The following ARHGAP40 variants were observed in gnomAD, a reference collection of about 807,000 sequenced individuals.
The protein encoded by ARHGAP40 is rho GTPase-activating protein 40.
In ARHGAP40, 43 loss-of-function variants were observed where a neutral mutation model predicts 73.5. The ratio of observed to expected loss-of-function variants is 0.58; its 90% confidence interval spans 0.46 to 0.75. ARHGAP40 has a LOEUF of 0.75. ARHGAP40 is among the 30% of genes least tolerant of loss of function. ARHGAP40 has a pLI of 0.00. For synonymous variants in ARHGAP40, 300 were observed against 352.8 expected (o/e 0.85, Z 1.68); for missense variants, 734 against 861.8 (o/e 0.85, Z 1.86).
At chr20:38,644,834 T>C (rs960971000) in intron 11 of ARHGAP40, among the ~76,000 whole-genome samples, 1 of 150,140 alleles carries the variant, frequency 6.7e-6, no homozygotes, top group African/African-American at 2.5e-5. Context: ...AAACCACACA[T>C]CTATCCAACT....
chr20:38,611,569 A>C (rs897880795), intron 1 of ARHGAP40, among the ~76,000 whole-genome samples: 1 of 151,290 alleles, frequency 6.6e-6, no homozygotes, highest in Non-Finnish European at 1.5e-5. Flanking sequence ...AGTTATGCAC[A>C]ACCACACTTG....
At chr20:38,640,039 CTCT>C (rs2089004799) in intron 9 of ARHGAP40, among the ~76,000 whole-genome samples, 1 of 152,132 alleles carries the variant, frequency 6.6e-6, no homozygotes, top group Non-Finnish European at 1.5e-5. Context: ...CTGAGAGGTC[CTCT>C]CTGACCTTTG....
chr20:38,614,553 A>G (rs1328062458), intron 1 of ARHGAP40, among the ~76,000 whole-genome samples: 2 of 152,170 alleles, frequency 1.3e-5, no homozygotes, highest in East Asian at 1.9e-4. Context: ...CACTCCTGCT[A>G]TATCTACACC....
exon 7 of ARHGAP40, chr20:38,637,797 G>C (rs1384708152): frequency 7.7e-7 from 1 of 1,304,950 alleles, no homozygotes; most frequent in African/African-American, 1.5e-5. Flanking sequence ...GGTCCTTCAA[G>C]CCGTAAGTCG....
chr20:38,614,056 T>C (rs805594), intron 1 of ARHGAP40, among the ~76,000 whole-genome samples: 139,694 of 152,258 alleles, frequency 0.92, 64,070 homozygotes, highest in East Asian at 0.95. Flanking sequence ...CCAACCCTGT[T>C]GCCACAGGGG....
At position 38,615,100 on chromosome 20, in the gene ARHGAP40, G is replaced by A. The variant is rs1395766622; in HGVS notation, c.138-8259G>A. 5.1e-5 allele frequency: 48 copies of A among 940,206 alleles called. No individual in the cohort carries two copies. The Admixed American group carries it at 6.8e-4, about 13-fold the overall frequency. 58.2% of individuals were successfully genotyped at this position (940,206 alleles called of 1,614,324 possible). A position where few individuals can be genotyped will look rare whatever the true frequency, so the allele number is the denominator to read the frequency against. ...GCAGACACTCGGAGTTTGGCTATACGAGTGTCCCATATATCCTTGACCAGG... is the reference window on the plus strand; with the variant it reads ...GCAGACACTCGGAGTTTGGCTATACAAGTGTCCCATATATCCTTGACCAGG... On this transcript the variant is annotated intron_variant, in intron 1 of 14. Coordinates refer to ENST00000373345, the Ensembl canonical transcript of ARHGAP40.
intron 2 of ARHGAP40, 49 bp downstream of exon 2, chr20:38,623,607 C>A: frequency 8.2e-7 from 1 of 1,226,570 alleles, no homozygotes; most frequent in South Asian, 1.4e-5. Flanking sequence ...GGGCTTGATT[C>A]CAGGCAGAGA....
At chr20:38,630,161 C>CCCTT (rs369425972) in intron 5 of ARHGAP40, among the ~76,000 whole-genome samples, 1 of 138,644 alleles carries the variant, frequency 7.2e-6, no homozygotes, top group African/African-American at 2.7e-5. Flanking sequence ...CTCCCTCCCT[C>CCCTT]CCTTCCTTCC....
intron 2 of ARHGAP40, among the ~76,000 whole-genome samples, chr20:38,625,416 T>C (rs2088893766): frequency 6.6e-6 from 1 of 152,086 alleles, no homozygotes; most frequent in Admixed American, 6.6e-5. Flanking sequence ...TCTTTTCTTT[T>C]TATTTATTTA....
At chr20:38,617,316 C>T (rs1313175266) in intron 1 of ARHGAP40, among the ~76,000 whole-genome samples, 1 of 152,222 alleles carries the variant, frequency 6.6e-6, no homozygotes, top group Non-Finnish European at 1.5e-5. Context: ...CTCAGCTTTA[C>T]ATGGGTTTCT....
intron 1 of ARHGAP40, among the ~76,000 whole-genome samples, chr20:38,617,045 G>A (rs978777446): frequency 7.9e-5 from 12 of 152,186 alleles, no homozygotes; most frequent in East Asian, 1.9e-4. Context: ...TCCTAGATTC[G>A]GTGGAACTGA....
Position 38,648,639 on chromosome 20 carries a change from A to G in ARHGAP40, c.1881-4A>G, listed in dbSNP as rs1476294837. On this transcript the variant is annotated splice_region_variant and splice_polypyrimidine_tract_variant and intron_variant, in intron 13 of 14. Transcript: ENST00000373345. ...TTTTTTTTTTCTCTCTCTCTGTTTTACAGCCATAGGTCCATGGAGTCAGCC... is the reference window on the plus strand; with the variant it reads ...TTTTTTTTTTCTCTCTCTCTGTTTTGCAGCCATAGGTCCATGGAGTCAGCC... 7.7e-7 allele frequency: 1 copy of G among 1,302,118 alleles called. No homozygotes were observed. The highest frequency in any genetic ancestry group is 5.6e-5 in the East Asian group (1 of 17,964). 80.7% of individuals were successfully genotyped at this position (1,302,118 alleles called of 1,614,324 possible).
At position 38,643,688 on chromosome 20, in the gene ARHGAP40, C is replaced by T. The variant is rs571558105; in HGVS notation, c.1363-16C>T. ...GATGGGCTGAGATTTGAGGGAGGCTCTGCACCCTTCCCTAGGCACTGCTGG... is the reference window on the plus strand; with the variant it reads ...GATGGGCTGAGATTTGAGGGAGGCTTTGCACCCTTCCCTAGGCACTGCTGG... On this transcript the variant is annotated splice_polypyrimidine_tract_variant and intron_variant, in intron 10 of 14. Coordinates refer to ENST00000373345, the Ensembl canonical transcript of ARHGAP40. 5 of 1,305,306 alleles carry T rather than the reference C, an allele frequency of 3.8e-6. No individual in the cohort carries two copies. The highest frequency in any genetic ancestry group is 4.0e-6 in the Non-Finnish European group (4 of 988,752). 80.9% of individuals were successfully genotyped at this position (1,305,306 alleles called of 1,614,324 possible). A position where few individuals can be genotyped will look rare whatever the true frequency, so the allele number is the denominator to read the frequency against.
At chr20:38,617,237 G>T (rs991192045) in intron 1 of ARHGAP40, among the ~76,000 whole-genome samples, 3 of 152,232 alleles carry the variant, frequency 2.0e-5, no homozygotes, top group Non-Finnish European at 2.9e-5. Context: ...TGCTCCCTCG[G>T]TCATGCTGGC....
chr20:38,605,378 T>G (rs1297089183), intron 1 of ARHGAP40, among the ~76,000 whole-genome samples: 1 of 152,184 alleles, frequency 6.6e-6, no homozygotes, highest in Non-Finnish European at 1.5e-5. Flanking sequence ...CACTAAATGC[T>G]GACCTGAAAG....
intron 13 of ARHGAP40, 148 bp from the exon 14 acceptor site, chr20:38,648,495 G>A (rs2089067736): frequency 1.9e-6 from 1 of 528,802 alleles, no homozygotes; most frequent in Non-Finnish European, 3.0e-6. Context: ...GCTCTCTCAG[G>A]AGGGTCCTTA....
intron 1 of ARHGAP40, among the ~76,000 whole-genome samples, chr20:38,616,082 C>T (rs1175645359): frequency 6.6e-6 from 1 of 152,088 alleles, no homozygotes; most frequent in Non-Finnish European, 1.5e-5. Context: ...AGGGCCACCC[C>T]ACCACCCAGG....
intron 4 of ARHGAP40, among the ~76,000 whole-genome samples, chr20:38,629,208 C>T (rs550128074): frequency 2.4e-4 from 36 of 152,222 alleles, no homozygotes; most frequent in African/African-American, 8.7e-4. Flanking sequence ...CCATGGGGCT[C>T]AAGATGGGAA....
At chr20:38,617,161 T>C (rs1285814043) in intron 1 of ARHGAP40, among the ~76,000 whole-genome samples, 1 of 152,174 alleles carries the variant, frequency 6.6e-6, no homozygotes, top group Non-Finnish European at 1.5e-5. Flanking sequence ...TGAGCTGACC[T>C]GGTTTGGCTG....
Sources: gnomAD v4.1 joint callset for allele counts (sites outside exome capture counted in the v4.1 genomes callset) on GRCh38, gnomAD v4.1.1 for gene constraint, MANE v1.5 for transcripts, NCBI Gene and HGNC (gene_info 2026-07-23, HGNC 2026-07-21) for gene names.